Variants in MYO9A observed in about 807,000 individuals in gnomAD.
MYO9A encodes the protein unconventional myosin-IXa.
Under a neutral mutation model 293.3 loss-of-function variants are expected in MYO9A, and 103 were observed. That is an observed-to-expected ratio of 0.35 (90% CI 0.30 to 0.41). MYO9A has a LOEUF of 0.41. Among genes scored for constraint, MYO9A ranks in the 10% least tolerant of loss-of-function variants. MYO9A has a pLI of 1.00. For missense variants in MYO9A, 2,685 were observed against 3,033.0 expected, an observed-to-expected ratio of 0.89 and a Z score of 2.69; for synonymous variants, 1,001 against 1,035.7, an observed-to-expected ratio of 0.97 and a Z score of 0.64.
intron 13 of MYO9A, 156 bp from the exon 14 acceptor site, chr15:71,960,252 G>C: frequency 1.6e-6 from 1 of 633,320 alleles, no homozygotes; most frequent in African/African-American, 1.8e-5. Context: ...GAGGTGTTTG[G>C]GTCATGGAGG....
rs1200891852 is a variant in MYO9A, at chr15:71,824,518, C to T, written c.*2062G>A. 7 of 152,212 alleles carry T rather than the reference C, an allele frequency of 4.6e-5. No homozygotes were observed. Among genetic ancestry groups the T allele is most frequent in the African/African-American group, 1.7e-4 (7 of 41,442 alleles). The allele number at this position is 152,212 out of a possible 1,614,324, so 9.4% of individuals were successfully genotyped here. A position where few individuals can be genotyped will look rare whatever the true frequency, so the allele number is the denominator to read the frequency against. Reference sequence around the variant, plus strand: ...TTAATGCCCAGCAGTACACTACTCTCCCAAGAACACTGAAACACAGACTGT... The same window carrying T: ...TTAATGCCCAGCAGTACACTACTCTTCCAAGAACACTGAAACACAGACTGT... On this transcript the variant is annotated 3_prime_UTR_variant, in exon 42 of 42. Transcript: ENST00000356056.
At chr15:72,063,834 CA>C (rs1217662830) in intron 1 of MYO9A, among the ~76,000 whole-genome samples, 2 of 152,148 alleles carry the variant, frequency 1.3e-5, no homozygotes, top group East Asian at 1.9e-4. Context: ...ATCAGTATAT[CA>C]AAGTGGTATC....
chr15:71,841,192 T>C (rs1173289942), intron 39 of MYO9A, among the ~76,000 whole-genome samples: 1 of 152,236 alleles, frequency 6.6e-6, no homozygotes, highest in East Asian at 1.9e-4. Context: ...TGGTGATAAT[T>C]TTATTTCTTT....
intron 6 of MYO9A, among the ~76,000 whole-genome samples, chr15:72,013,629 C>T (rs2077237217): frequency 6.6e-6 from 1 of 152,168 alleles, no homozygotes; most frequent in South Asian, 2.1e-4. Context: ...GCTATCAGAC[C>T]TTGCTCTTTC....
At chr15:71,947,062 A>G (rs960314789) in intron 15 of MYO9A, among the ~76,000 whole-genome samples, 1 of 152,170 alleles carries the variant, frequency 6.6e-6, no homozygotes, top group African/African-American at 2.4e-5. Flanking sequence ...GGCTGCAATA[A>G]GCCATGATTG....
In MYO9A at chr15:71,899,688, T is replaced by C; in HGVS notation, c.3469A>G (p.Arg1157Gly). The change falls in exon 24 of 42, where the codon AGA (arginine) becomes GGA (glycine). Residue 1157 changes from arginine (R) to glycine (G), a missense_variant and splice_region_variant. Transcript: ENST00000356056. ...AATTATTATAGTAATAGAGATTACC[T>C]TTGTCTTGCTCTGAATCCTCTACAT... ...STCRGFRARQ[R>G]FKALKEQRLR... The C allele has an allele frequency of 1.9e-6, 3 of 1,609,240 alleles. No homozygotes were observed. The highest frequency in any genetic ancestry group is 2.5e-6 in the Non-Finnish European group (3 of 1,177,588).
At position 71,826,136 on chromosome 15, in the gene MYO9A, G is replaced by A. The variant is rs1396155263; in HGVS notation, c.*444C>T. On this transcript the variant is annotated 3_prime_UTR_variant, in exon 42 of 42. Transcript: ENST00000356056. ...TGGAAAAAAATTATATTCTACCCTA[G>A]CTCCTAACTATCCCAAAATAAACCC... The A allele has an allele frequency of 6.5e-6, 1 of 153,392 alleles. No individual in the cohort carries two copies. Among genetic ancestry groups the A allele is most frequent in the Admixed American group, 6.5e-5 (1 of 15,298 alleles). The allele number at this position is 153,392 out of a possible 1,614,324, so 9.5% of individuals were successfully genotyped here. A position where few individuals can be genotyped will look rare whatever the true frequency, so the allele number is the denominator to read the frequency against.
chr15:72,075,446 T>G (rs1217781050), intron 1 of MYO9A, among the ~76,000 whole-genome samples: 1 of 151,830 alleles, frequency 6.6e-6, no homozygotes, highest in Non-Finnish European at 1.5e-5. Context: ...TTATGTATAA[T>G]CTTATAGAGA....
At chr15:71,996,607 C>T (rs1420776884) in intron 9 of MYO9A, among the ~76,000 whole-genome samples, 1 of 151,910 alleles carries the variant, frequency 6.6e-6, no homozygotes, top group African/African-American at 2.4e-5. Flanking sequence ...ACCAGAAATG[C>T]AGGACTCATC....
intron 1 of MYO9A, among the ~76,000 whole-genome samples, chr15:72,061,945 C>G (rs539339647): frequency 6.6e-6 from 1 of 152,174 alleles, no homozygotes; most frequent in Non-Finnish European, 1.5e-5. Context: ...GTGGTGGTCA[C>G]GGCGGTGCTT....
Position 71,854,428 on chromosome 15 carries a change from T to A in MYO9A, c.6295A>T (p.Lys2099Ter). Residue 2099 changes from lysine (K) to a stop codon, truncating the protein, a stop_gained, in exon 35 of 42, where the codon AAG (lysine) becomes TAG (stop). Coordinates refer to ENST00000356056, the MANE Select transcript of MYO9A (RefSeq NM_006901.4). LOFTEE classifies it high-confidence loss of function. ...HGLYTEGIYR[K>*]SGSTNKIKEL... ...TTGATTTTATTAGTCGAACCAGACT[T>A]TCGATAAATACCTTCTGTATACAGT... The A allele has an allele frequency of 6.2e-7, 1 of 1,608,592 alleles. No individual in the cohort carries two copies.
At chr15:71,994,072 AT>A (rs2076625158) in intron 10 of MYO9A, among the ~76,000 whole-genome samples, 1 of 152,146 alleles carries the variant, frequency 6.6e-6, no homozygotes, top group African/African-American at 2.4e-5. Context: ...AACAAAATCT[AT>A]TTTTAATGGA....
chr15:71,969,134 C>T (rs1056043688), intron 12 of MYO9A, among the ~76,000 whole-genome samples: 1 of 152,204 alleles, frequency 6.6e-6, no homozygotes, highest in African/African-American at 2.4e-5. Context: ...CCAGTTATCA[C>T]AGTGCCAGTA....
chr15:72,069,564 T>G (rs904235147), intron 1 of MYO9A, among the ~76,000 whole-genome samples: 25 of 152,190 alleles, frequency 1.6e-4, no homozygotes, highest in African/African-American at 5.6e-4. Context: ...AGATAAGAGA[T>G]TCACAGCAAT....
At chr15:71,982,366 T>C (rs1486308685) in intron 11 of MYO9A, among the ~76,000 whole-genome samples, 4 of 152,140 alleles carry the variant, frequency 2.6e-5, no homozygotes, top group African/African-American at 9.7e-5. Flanking sequence ...TTCAGTTATT[T>C]TTTAGTTACT....
In MYO9A at chr15:71,991,083, A is replaced by G; in HGVS notation, c.1722+20T>C. The stretch of plus-strand genomic sequence containing the variant: ...ATATGTGTGATGGGGGGACAAGTGT[A>G]TACATATTTAGGTACTCACTTGTTC... On this transcript the variant is annotated intron_variant, in intron 11 of 41. Coordinates refer to ENST00000356056, the MANE Select transcript of MYO9A (RefSeq NM_006901.4). 6.4e-7 allele frequency: 1 copy of G among 1,566,414 alleles called. No homozygotes were observed. Among genetic ancestry groups the G allele is most frequent in the Non-Finnish European group, 8.6e-7 (1 of 1,158,582 alleles).
chr15:71,932,352 G>C (rs2058501840), intron 18 of MYO9A, among the ~76,000 whole-genome samples: 1 of 152,064 alleles, frequency 6.6e-6, no homozygotes, highest in South Asian at 2.1e-4. Flanking sequence ...TCAATTCCCA[G>C]AACTATAAGG....
At chr15:72,014,366 T>C (rs1292482446) in intron 6 of MYO9A, among the ~76,000 whole-genome samples, 1 of 151,972 alleles carries the variant, frequency 6.6e-6, no homozygotes, top group African/African-American at 2.4e-5. Context: ...TAAAAATGTA[T>C]GATTTCTTAA....
chr15:71,882,561 A>T (rs2056906375), intron 28 of MYO9A, among the ~76,000 whole-genome samples: 1 of 152,164 alleles, frequency 6.6e-6, no homozygotes, highest in African/African-American at 2.4e-5. Context: ...GGTTGAGCCC[A>T]GAAGTTAGAG....
Sources: allele counts gnomAD v4.1 joint callset (sites outside exome capture counted in the v4.1 genomes callset), GRCh38; gene constraint gnomAD v4.1.1; transcripts MANE v1.5; gene names NCBI Gene and HGNC (gene_info 2026-07-23, HGNC 2026-07-21).